IL17B: variants seen among roughly 807,000 people sequenced by gnomAD.
IL17B encodes the protein interleukin 17B.
Under a neutral mutation model 14.7 loss-of-function variants are expected in IL17B, and 14 were observed. The ratio of observed to expected loss-of-function variants is 0.95; its 90% CI spans 0.63 to 1.49. The LOEUF (loss-of-function observed/expected upper bound fraction) is 1.49, where lower values mean the gene tolerates loss of function less well. Among genes scored for constraint, IL17B ranks in the 40% most tolerant of loss-of-function variants. IL17B has a pLI of 0.00. For synonymous variants in IL17B, 105 were observed against 94.8 expected (o/e 1.11, Z -0.62); for missense variants, 233 against 252.8 (o/e 0.92, Z 0.53).
rs148984792 is a variant in IL17B, at chr5:149,396,100, A to G, written n.95+8008T>C. Among the ~76,000 whole-genome samples, 333 of 152,362 alleles carry G rather than the reference A, an allele frequency of 2.2e-3. 2 individuals carry two copies. Among genetic ancestry groups the G allele is most frequent in the African/African-American group, 7.5e-3 (311 of 41,592 alleles). ...TGCAGTGGGCTGAATGAAAAAAAAT[A>G]AACTGCATTGCTAATACCTTGAAAT... On this transcript the variant is annotated intron_variant and non_coding_transcript_variant, in intron 1 of 2. Coordinates refer to the IL17B transcript ENST00000505432.
At chr5:149,387,775 CAAAAAAA>C (rs57775228) in intron 1 of IL17B, among the ~76,000 whole-genome samples, 5 of 81,348 alleles carry the variant, frequency 6.1e-5, no homozygotes, top group Non-Finnish European at 1.2e-4. Flanking sequence ...GCCCCTGTCT[CAAAAAAA>C]AAAAAAAAAA....
intron 1 of IL17B, among the ~76,000 whole-genome samples, chr5:149,399,098 C>T (rs1759157330): frequency 6.6e-6 from 1 of 152,204 alleles, no homozygotes; most frequent in South Asian, 2.1e-4. Context: ...GACCTGGCCC[C>T]ATGATTCAAT....
upstream of IL17B, among the ~76,000 whole-genome samples, chr5:149,379,836 T>A (rs1758645446): frequency 6.6e-6 from 1 of 152,150 alleles, no homozygotes. Context: ...AAGGGACTTG[T>A]CACTATTAAC....
intron 1 of IL17B, among the ~76,000 whole-genome samples, chr5:149,401,343 T>C (rs1403192261): frequency 2.0e-5 from 3 of 152,256 alleles, no homozygotes; most frequent in Non-Finnish European, 4.4e-5. Context: ...TTTTCAATTT[T>C]TCACAGTTGC....
intron 1 of IL17B, among the ~76,000 whole-genome samples, chr5:149,378,741 C>A (rs1029182166): frequency 6.6e-6 from 1 of 152,236 alleles, no homozygotes; most frequent in Non-Finnish European, 1.5e-5. Flanking sequence ...GAAAAAATGT[C>A]TCCCTAACAA....
intron 1 of IL17B, among the ~76,000 whole-genome samples, chr5:149,400,209 T>TA (rs1382846416): frequency 1.3e-5 from 2 of 152,032 alleles, no homozygotes; most frequent in South Asian, 2.1e-4. Flanking sequence ...ATATGACTTA[T>TA]AAAAAGAGTA....
chr5:149,383,265 G>C (rs1369656645), upstream of IL17B, among the ~76,000 whole-genome samples: 11 of 152,236 alleles, frequency 7.2e-5, no homozygotes, highest in Admixed American at 7.2e-4. Context: ...AATGAGTTTT[G>C]AGTTGGGCCT....
intron 1 of IL17B, among the ~76,000 whole-genome samples, chr5:149,377,919 A>G (rs988755267): frequency 1.1e-4 from 16 of 152,142 alleles, no homozygotes; most frequent in East Asian, 3.9e-4. Flanking sequence ...CGAGGCGGGC[A>G]GATCACAAAG....
intron 1 of IL17B, among the ~76,000 whole-genome samples, chr5:149,392,913 C>G (rs942412697): frequency 1.3e-5 from 2 of 150,758 alleles, no homozygotes; most frequent in African/African-American, 2.4e-5. Flanking sequence ...CATCTGTGTA[C>G]GTGTGTGTGC....
At chr5:149,390,981 G>C (rs1305399780) in intron 1 of IL17B, among the ~76,000 whole-genome samples, 1 of 151,968 alleles carries the variant, frequency 6.6e-6, no homozygotes, top group Non-Finnish European at 1.5e-5. Context: ...TTTGTGTTTT[G>C]TTTTGTTTTG....
chr5:149,384,367 G>T (rs186898047), intron 1 of IL17B, among the ~76,000 whole-genome samples: 6 of 152,170 alleles, frequency 3.9e-5, no homozygotes, highest in Admixed American at 3.9e-4. Context: ...GCACATAATG[G>T]TACTTAATAT....
chr5:149,401,911 T>C (rs1349617556), intron 1 of IL17B, among the ~76,000 whole-genome samples: 4 of 152,196 alleles, frequency 2.6e-5, no homozygotes, highest in African/African-American at 9.7e-5. Context: ...TGTTGAACGT[T>C]CTTTCACACA....
chr5:149,401,404 T>A (rs1759203635), intron 1 of IL17B, among the ~76,000 whole-genome samples: 1 of 152,234 alleles, frequency 6.6e-6, no homozygotes. Context: ...GTGGTATGCC[T>A]TTTTAAAAGT....
chr5:149,397,181 T>G (rs2127622565), intron 1 of IL17B, among the ~76,000 whole-genome samples: 1 of 152,326 alleles, frequency 6.6e-6, no homozygotes, highest in African/African-American at 2.4e-5. Flanking sequence ...ATCTTTTTTT[T>G]TCTTTTGAGA....
At chr5:149,384,465 C>A (rs1435050279) in intron 1 of IL17B, among the ~76,000 whole-genome samples, 1 of 152,130 alleles carries the variant, frequency 6.6e-6, no homozygotes, top group East Asian at 1.9e-4. Context: ...GGTGTATGTG[C>A]TATTTTTGCT....
intron 1 of IL17B, among the ~76,000 whole-genome samples, chr5:149,400,621 G>A (rs560160832): frequency 1.3e-5 from 2 of 152,354 alleles, no homozygotes; most frequent in African/African-American, 4.8e-5. Flanking sequence ...TGTAGTCAGA[G>A]TTATCCAGCT....
intron 1 of IL17B, among the ~76,000 whole-genome samples, chr5:149,402,688 T>TAAAAAAAAAAAAAA (rs201335439): frequency 8.4e-6 from 1 of 118,426 alleles, no homozygotes. Flanking sequence ...TACCATGCTT[T>TAAAAAAAAAAAAAA]TAAAAAAAAA....
chr5:149,398,125 C>T (rs1032171284), intron 1 of IL17B, among the ~76,000 whole-genome samples: 1 of 152,176 alleles, frequency 6.6e-6, no homozygotes, highest in Non-Finnish European at 1.5e-5. Flanking sequence ...AAGTCCACCC[C>T]TTGTCAACTT....
chr5:149,393,254 C>A lies in IL17B; in HGVS notation n.95+10854G>T, dbSNP rs145197063. On this transcript the variant is annotated intron_variant and non_coding_transcript_variant, in intron 1 of 2. Transcript: ENST00000505432. ...CCTTTGCTTCAATGCCCTTCTCTGC[C>A]GTTTTTACTCTTCAGGTCGCAGTGC... 2.0e-5 allele frequency among the ~76,000 whole-genome samples: 3 copies of A among 152,252 alleles called. No homozygotes were observed. In the East Asian group the frequency reaches 5.8e-4, roughly 29 times the overall value.
Sources: allele counts gnomAD v4.1 joint callset (sites outside exome capture counted in the v4.1 genomes callset), GRCh38; gene constraint gnomAD v4.1.1; transcripts MANE v1.5; gene names NCBI Gene and HGNC (gene_info 2026-07-23, HGNC 2026-07-21).